ZSCAN5A: variants seen among roughly 807,000 people sequenced by gnomAD.
ZSCAN5A encodes the protein zinc finger and SCAN domain containing 5A, also known as zinc finger and SCAN domain-containing protein 5A.
A neutral mutation model predicts 23.7 loss-of-function variants in ZSCAN5A; 12 were observed. The observed-to-expected ratio is 0.51, with a 90% CI of 0.32 to 0.82. The LOEUF is 0.82. Ranked by LOEUF, ZSCAN5A falls within the 40% of genes least tolerant of loss-of-function variation. The pLI is 0.03. For synonymous variants in ZSCAN5A, 257 were observed against 239.9 expected (o/e 1.07, Z -0.66); for missense variants, 597 against 617.9 (o/e 0.97, Z 0.36).
chr19:56,233,974 G>A (rs1285131793), intron 2 of ZSCAN5A, among the ~76,000 whole-genome samples: 1 of 152,128 alleles, frequency 6.6e-6, no homozygotes, highest in Non-Finnish European at 1.5e-5. Flanking sequence ...ACTCTGGAAG[G>A]CTGAGGCAGG....
Position 56,321,752 on chromosome 19 carries a change from T to C in ZSCAN5A, c.-357-5484A>G, listed in dbSNP as rs945619922. 27 of 1,283,904 alleles carry C rather than the reference T, an allele frequency of 2.1e-5. 1 individual carries two copies. The highest frequency in any genetic ancestry group is 6.7e-5 in the Admixed American group (4 of 59,614). 79.5% of individuals were successfully genotyped at this position (1,283,904 alleles called of 1,614,324 possible). ...GAGGACATAACTGCTTTTCAGGCAA[T>C]TACTTCCTGCAACCAAATCATACAG... is the stretch of plus-strand genomic sequence containing the variant. On this transcript the variant is annotated intron_variant, in intron 2 of 6. Transcript: ENST00000587340.
upstream of ZSCAN5A, chr19:56,315,205 A>AGTCTGGGAAT (rs2041280498): frequency 6.6e-6 from 1 of 152,252 alleles, no homozygotes; most frequent in Admixed American, 6.5e-5. Context: ...GGACCAGGGA[A>AGTCTGGGAAT]AAAGCAGGAT....
intron 2 of ZSCAN5A, among the ~76,000 whole-genome samples, chr19:56,344,632 A>G (rs2869160): frequency 0.67 from 99,712 of 149,354 alleles, 35,272 homozygotes; most frequent in African/African-American, 0.92. Context: ...GGCCGGGCGC[A>G]GTGGCTCACG....
At chr19:56,272,863 T>C in intron 2 of ZSCAN5A, 1 of 985,362 alleles carries the variant, frequency 1.0e-6, no homozygotes, top group Non-Finnish European at 1.2e-6. Flanking sequence ...TTTCTGAAAA[T>C]GTCGCTGCTG....
chr19:56,238,065 C>T (rs1273304564), intron 2 of ZSCAN5A, among the ~76,000 whole-genome samples: 1 of 17,856 alleles, frequency 5.6e-5, no homozygotes, highest in African/African-American at 2.2e-4. Flanking sequence ...TGTCTAGTCC[C>T]CTAGACACAC....
At chr19:56,305,571 C>A (rs189203655) in intron 2 of ZSCAN5A, among the ~76,000 whole-genome samples, 120 of 152,236 alleles carry the variant, frequency 7.9e-4, no homozygotes, top group African/African-American at 2.8e-3. Flanking sequence ...GTTTTAAAAT[C>A]TTTTGGGGTA....
chr19:56,264,961 C>A (rs1329130252), intron 2 of ZSCAN5A, among the ~76,000 whole-genome samples: 2 of 151,852 alleles, frequency 1.3e-5, no homozygotes, highest in East Asian at 3.9e-4. Context: ...GTATCTACTA[C>A]AAATACAAAA....
At chr19:56,225,886 T>C (rs1457008112) in intron 2 of ZSCAN5A, among the ~76,000 whole-genome samples, 1 of 112,672 alleles carries the variant, frequency 8.9e-6, no homozygotes, top group Non-Finnish European at 1.6e-5. Flanking sequence ...CAATCACTAA[T>C]CTACCTTCTG....
At chr19:56,319,498 GAAA>G (rs57164685), upstream of ZSCAN5A, among the ~76,000 whole-genome samples, 41 of 78,422 alleles carry the variant, frequency 5.2e-4, 1 homozygote, top group South Asian at 6.7e-3. Flanking sequence ...TCCATCTCGG[GAAA>G]AAAAAAAAAA....
At chr19:56,321,756 T>C (rs1285513713) in intron 2 of ZSCAN5A, 47 of 1,269,786 alleles carry the variant, frequency 3.7e-5, no homozygotes, top group Non-Finnish European at 5.2e-5. Context: ...AGGCAATTAC[T>C]TCCTGCAACC....
intron 2 of ZSCAN5A, among the ~76,000 whole-genome samples, chr19:56,251,242 C>T (rs2036317667): frequency 6.6e-6 from 1 of 151,726 alleles, no homozygotes; most frequent in Non-Finnish European, 1.5e-5. Context: ...TATTCAGTGA[C>T]TGACTGGGGG....
intron 2 of ZSCAN5A, among the ~76,000 whole-genome samples, chr19:56,250,514 T>G (rs750548630): frequency 8.6e-4 from 131 of 152,204 alleles, no homozygotes; most frequent in Non-Finnish European, 1.8e-3. Context: ...AGGCACATGC[T>G]GCTCGTCAAT....
chr19:56,353,419 A>G (rs2041679973), intron 2 of ZSCAN5A, among the ~76,000 whole-genome samples: 1 of 152,118 alleles, frequency 6.6e-6, no homozygotes, highest in Non-Finnish European at 1.5e-5. Flanking sequence ...ACTTAACATA[A>G]TTTCTTCCAG....
chr19:56,308,035 T>C (rs988560768), intron 2 of ZSCAN5A, among the ~76,000 whole-genome samples: 3 of 152,194 alleles, frequency 2.0e-5, no homozygotes, highest in South Asian at 2.1e-4. Flanking sequence ...CCCCTGTCCA[T>C]ATTAAACCTT....
chr19:56,261,599 C>T (rs1288104667), intron 2 of ZSCAN5A, among the ~76,000 whole-genome samples: 1 of 151,398 alleles, frequency 6.6e-6, no homozygotes, highest in Non-Finnish European at 1.5e-5. Context: ...GATCCAGGAG[C>T]AAATTGAGAG....
intron 2 of ZSCAN5A, among the ~76,000 whole-genome samples, chr19:56,308,120 G>A (rs1436838086): frequency 2.0e-5 from 3 of 152,310 alleles, no homozygotes; most frequent in Non-Finnish European, 1.5e-5. Flanking sequence ...TGCAACCTCC[G>A]CCTCCCGGGT....
intron 2 of ZSCAN5A, among the ~76,000 whole-genome samples, chr19:56,309,311 G>A (rs1049618260): frequency 2.0e-5 from 3 of 149,950 alleles, no homozygotes; most frequent in African/African-American, 7.4e-5. Flanking sequence ...GAAGGAACAA[G>A]GGGAGTGACT....
intron 2 of ZSCAN5A, among the ~76,000 whole-genome samples, chr19:56,346,768 G>C (rs1225904795): frequency 6.6e-6 from 1 of 151,734 alleles, no homozygotes; most frequent in Non-Finnish European, 1.5e-5. Context: ...GAGTGTAGTG[G>C]TGCCATCTCT....
At chr19:56,249,439 A>AT (rs1237132040) in intron 2 of ZSCAN5A, among the ~76,000 whole-genome samples, 3 of 151,966 alleles carry the variant, frequency 2.0e-5, no homozygotes, top group African/African-American at 7.3e-5. Context: ...CGCCTGGCTA[A>AT]TTTTTTATTT....
Sources: gnomAD v4.1 joint callset for allele counts (sites outside exome capture counted in the v4.1 genomes callset) on GRCh38, gnomAD v4.1.1 for gene constraint, MANE v1.5 for transcripts, NCBI Gene and HGNC (gene_info 2026-07-23, HGNC 2026-07-21) for gene names.